The following NRXN1 variants were observed in gnomAD, a reference collection of about 807,000 sequenced individuals.
NRXN1 encodes the protein neurexin-1.
A neutral mutation model predicts 150.9 loss-of-function variants in NRXN1; 39 were observed. The ratio of observed to expected loss-of-function variants is 0.26; its 90% confidence interval spans 0.20 to 0.34. The LOEUF (loss-of-function observed/expected upper bound fraction) is 0.34. Ranked by LOEUF, NRXN1 falls within the 10% of genes least tolerant of loss-of-function variation. The probability of loss-of-function intolerance (pLI) is 1.00; values close to 1 mark genes in which losing one functional copy is unlikely to be tolerated. For synonymous variants in NRXN1, 924 were observed against 757.0 expected (o/e 1.22, Z -3.62); for missense variants, 1,815 against 1,949.9 (o/e 0.93, Z 1.30).
At chr2:50,240,020 A>G (rs574557850) in intron 17 of NRXN1, among the ~76,000 whole-genome samples, 1 of 151,620 alleles carries the variant, frequency 6.6e-6, no homozygotes, top group East Asian at 1.9e-4. Flanking sequence ...CTTGTGGGTA[A>G]TAATTTGAAG....
At chr2:49,928,958 A>G (rs932440746) in intron 22 of NRXN1, among the ~76,000 whole-genome samples, 1 of 152,070 alleles carries the variant, frequency 6.6e-6, no homozygotes, top group African/African-American at 2.4e-5. Flanking sequence ...TCCCCAATAC[A>G]TCGGAGATTT....
intron 17 of NRXN1, among the ~76,000 whole-genome samples, chr2:50,339,947 A>G (rs1370413164): frequency 2.0e-5 from 3 of 152,190 alleles, no homozygotes; most frequent in African/African-American, 7.2e-5. Flanking sequence ...GGAAAGTACC[A>G]ATGCTGGGAC....
At chr2:51,030,367 A>G (rs575705129) in intron 1 of NRXN1, among the ~76,000 whole-genome samples, 32 of 152,130 alleles carry the variant, frequency 2.1e-4, no homozygotes, top group Admixed American at 1.4e-3. Flanking sequence ...TGAAACTAGC[A>G]GTAATTTATG....
At chr2:50,569,136 C>G (rs1670286975) in intron 8 of NRXN1, among the ~76,000 whole-genome samples, 1 of 151,670 alleles carries the variant, frequency 6.6e-6, no homozygotes, top group East Asian at 1.9e-4. Context: ...ATACCGGGGC[C>G]TGGGAAGGGT....
chr2:50,598,099 T>C (rs1239379001), intron 8 of NRXN1, among the ~76,000 whole-genome samples: 2 of 151,880 alleles, frequency 1.3e-5, no homozygotes, highest in South Asian at 2.1e-4. Context: ...AGATGTGCCA[T>C]TGCACTCCAG....
At chr2:50,640,964 A>G (rs1683993884) in intron 5 of NRXN1, among the ~76,000 whole-genome samples, 1 of 152,168 alleles carries the variant, frequency 6.6e-6, no homozygotes, top group Non-Finnish European at 1.5e-5. Flanking sequence ...AGAAATAAAG[A>G]CAAAGAACAA....
At chr2:50,416,022 T>C (rs1040480836) in intron 17 of NRXN1, among the ~76,000 whole-genome samples, 2 of 151,302 alleles carry the variant, frequency 1.3e-5, no homozygotes, top group Admixed American at 6.6e-5. Flanking sequence ...ATTTGTTTAG[T>C]ACCTCCTATA....
At chr2:50,661,745 A>C (rs1687332476) in intron 5 of NRXN1, among the ~76,000 whole-genome samples, 1 of 152,174 alleles carries the variant, frequency 6.6e-6, no homozygotes. Flanking sequence ...TAGAACCCCC[A>C]AAAAAGGATT....
At chr2:50,871,391 TTTCA>T (rs1677760485) in intron 5 of NRXN1, among the ~76,000 whole-genome samples, 2 of 151,914 alleles carry the variant, frequency 1.3e-5, no homozygotes, top group Non-Finnish European at 2.9e-5. Context: ...TATGGCTTTC[TTTCA>T]ATTTATTCAG....
intron 5 of NRXN1, among the ~76,000 whole-genome samples, chr2:50,874,728 T>C (rs1006147615): frequency 2.6e-5 from 4 of 151,828 alleles, no homozygotes; most frequent in African/African-American, 7.2e-5. Flanking sequence ...CAGAAAAAAG[T>C]TGAATCTCAT....
chr2:50,567,771 C>T (rs6725701), intron 8 of NRXN1, among the ~76,000 whole-genome samples: 62,009 of 151,930 alleles, frequency 0.41, 15,794 homozygotes, highest in African/African-American at 0.72. Flanking sequence ...GAATGCACTA[C>T]TAATTTTTAA....
intron 5 of NRXN1, among the ~76,000 whole-genome samples, chr2:50,689,789 G>A (rs1245605927): frequency 6.6e-6 from 1 of 151,590 alleles, no homozygotes; most frequent in African/African-American, 2.4e-5. Context: ...GAAAACAAAA[G>A]CTAACAACTT....
chr2:50,935,927 A>G (rs1486306762), intron 2 of NRXN1, among the ~76,000 whole-genome samples: 1 of 152,168 alleles, frequency 6.6e-6, no homozygotes, highest in Non-Finnish European at 1.5e-5. Context: ...CAGTGTTGAA[A>G]GAATGCTGGC....
At chr2:50,906,532 T>C (rs555529459) in intron 5 of NRXN1, among the ~76,000 whole-genome samples, 37 of 152,278 alleles carry the variant, frequency 2.4e-4, no homozygotes, top group African/African-American at 7.0e-4. Flanking sequence ...TAAATAATTG[T>C]TGCTATGCTG....
chr2:51,013,546 C>T (rs1043643905), intron 2 of NRXN1, among the ~76,000 whole-genome samples: 3 of 150,630 alleles, frequency 2.0e-5, no homozygotes, highest in Admixed American at 2.0e-4. Context: ...GAGATTTGCA[C>T]GTTAAAAGGC....
chr2:50,216,806 T>G lies in NRXN1; in HGVS notation c.3546+19983A>C, dbSNP rs148455130. Among the ~76,000 whole-genome samples the G allele has an allele frequency of 2.9e-3, 439 of 152,168 alleles. 1 individual carries two copies. Among genetic ancestry groups the G allele is most frequent in the Non-Finnish European group, 5.2e-3 (355 of 67,970 alleles). ...ACACTTTCAAAAAGTGGATTTCAGA[T>G]TTGGGTGTGATTCCAAACATGCACC... On this transcript the variant is annotated intron_variant, in intron 18 of 22. Coordinates refer to ENST00000401669, the MANE Select transcript of NRXN1 (RefSeq NM_001330078.2).
At position 50,346,651 on chromosome 2, in the gene NRXN1, C is replaced by A. The variant is rs926006031; in HGVS notation, c.3365-109681G>T. 6.2e-7 allele frequency: 1 copy of A among 1,604,604 alleles called. No homozygotes were observed. Among genetic ancestry groups the A allele is most frequent in the Non-Finnish European group, 8.5e-7 (1 of 1,172,372 alleles). On this transcript the variant is annotated intron_variant, in intron 17 of 22. Coordinates refer to ENST00000401669, the MANE Select transcript of NRXN1 (RefSeq NM_001330078.2). The surrounding 1 kb of genome is among the most constrained non-coding windows in gnomAD (Gnocchi z 5.0). ...CGAGTGCAGGGTAGAAAGAGGGGAG[C>A]GAGGGGATAACCCGCGAGAACTTGG...
Position 50,733,484 on chromosome 2 carries a change from T to C in NRXN1, c.833-109869A>G, listed in dbSNP as rs1698354013. ...TAAGCATTAAGTGATTAATGCCCAA[T>C]AGTGACCAATAAATAATTTAGTTAT... is the stretch of plus-strand genomic sequence containing the variant. On this transcript the variant is annotated intron_variant, in intron 5 of 22. Coordinates refer to ENST00000401669, the MANE Select transcript of NRXN1 (RefSeq NM_001330078.2). 2.6e-5 allele frequency among the ~76,000 whole-genome samples: 4 copies of C among 152,164 alleles called. No individual in the cohort carries two copies. The South Asian group carries it at 6.2e-4, about 24-fold the overall frequency.
intron 5 of NRXN1, among the ~76,000 whole-genome samples, chr2:50,920,945 T>C (rs1354048286): frequency 1.3e-5 from 2 of 151,682 alleles, no homozygotes; most frequent in Non-Finnish European, 2.9e-5. Context: ...GTTTTCCTGC[T>C]AGATGACACA....
Sources: gnomAD v4.1 joint callset for allele counts (sites outside exome capture counted in the v4.1 genomes callset) on GRCh38, gnomAD v4.1.1 for gene constraint, Gnocchi (gnomAD v3.1) non-coding constraint, MANE v1.5 for transcripts, NCBI Gene and HGNC (gene_info 2026-07-23, HGNC 2026-07-21) for gene names.